Variants in RGS6 observed in about 807,000 individuals in gnomAD.
RGS6 encodes regulator of G protein signaling 6, also known as regulator of G-protein signaling 6.
In RGS6, 30 loss-of-function variants were observed where a neutral mutation model predicts 78.5. That is an observed-to-expected ratio of 0.38 (90% CI 0.29 to 0.52). The LOEUF (loss-of-function observed/expected upper bound fraction) is 0.52, where lower values mean the gene tolerates loss of function less well. Among genes scored for constraint, RGS6 ranks in the 20% least tolerant of loss-of-function variants. The pLI is 0.85. For synonymous variants in RGS6, 206 were observed against 206.0 expected, an observed-to-expected ratio of 1.00 and a Z score of 0.00; for missense variants, 495 against 609.7, an observed-to-expected ratio of 0.81 and a Z score of 1.98.
intron 2 of RGS6, among the ~76,000 whole-genome samples, chr14:72,045,679 A>G (rs1015025737): frequency 1.3e-5 from 2 of 151,736 alleles, no homozygotes; most frequent in Non-Finnish European, 2.9e-5. Flanking sequence ...GACCTTCACA[A>G]GTGTTTCTTA....
rs543376695 is a variant in RGS6 at position 72,025,750 on chromosome 14, G to T, written c.84+60875G>T. Among the ~76,000 whole-genome samples, 8 of 152,230 alleles carry T rather than the reference G, an allele frequency of 5.3e-5. No individual in the cohort carries two copies. The South Asian group carries it at 1.7e-3, about 32-fold the overall frequency. On this transcript the variant is annotated intron_variant, in intron 2 of 17. Transcript: ENST00000553525. ...CATTATTTCAGTAATCCTCAGAGGAGCCTTGAGTGGTAGATGCTATCATTC... is the reference window on the plus strand; with the variant it reads ...CATTATTTCAGTAATCCTCAGAGGATCCTTGAGTGGTAGATGCTATCATTC...
At chr14:72,503,879 T>G (rs1017082) in intron 13 of RGS6, among the ~76,000 whole-genome samples, 30,103 of 152,028 alleles carry the variant, frequency 0.2, 3,772 homozygotes, top group African/African-American at 0.36. Context: ...GGGTCCCTAT[T>G]GCTTTCCCAG....
chr14:71,955,434 A>G (rs2092707591), intron 1 of RGS6, among the ~76,000 whole-genome samples: 1 of 152,172 alleles, frequency 6.6e-6, no homozygotes, highest in African/African-American at 2.4e-5. Flanking sequence ...ACTGAAAGCA[A>G]GTTTATTAAG....
intron 3 of RGS6, among the ~76,000 whole-genome samples, chr14:72,411,710 A>G (rs2093425483): frequency 6.6e-6 from 1 of 152,188 alleles, no homozygotes. Context: ...GGTTTGTCAT[A>G]GATAGCTCTT....
chr14:72,542,550 G>A (rs2097340723), intron 17 of RGS6, among the ~76,000 whole-genome samples: 1 of 152,250 alleles, frequency 6.6e-6, no homozygotes, highest in African/African-American at 2.4e-5. Flanking sequence ...GGAAAGATGT[G>A]TAAGAACATG....
intron 2 of RGS6, among the ~76,000 whole-genome samples, chr14:72,150,977 T>A (rs2096676848): frequency 6.6e-6 from 1 of 152,162 alleles, no homozygotes; most frequent in Admixed American, 6.5e-5. Context: ...CTTAAGGAAA[T>A]CAGAGAGTAG....
chr14:72,281,705 C>T (rs937181802), intron 2 of RGS6, among the ~76,000 whole-genome samples: 16 of 152,092 alleles, frequency 1.1e-4, no homozygotes, highest in Non-Finnish European at 2.2e-4. Flanking sequence ...GAAGCCCTTT[C>T]TAGGAGAAGG....
intron 3 of RGS6, among the ~76,000 whole-genome samples, chr14:72,419,038 G>T (rs2094010227): frequency 6.6e-6 from 1 of 152,210 alleles, no homozygotes; most frequent in South Asian, 2.1e-4. Context: ...GGGCTGCCTT[G>T]GATGCGTTTC....
chr14:72,444,437 T>C (rs2095306370), intron 3 of RGS6, among the ~76,000 whole-genome samples: 1 of 152,222 alleles, frequency 6.6e-6, no homozygotes, highest in African/African-American at 2.4e-5. Context: ...TGATTGTCTC[T>C]CCTGCCCCAT....
chr14:72,118,881 T>G (rs1181922462), intron 2 of RGS6, among the ~76,000 whole-genome samples: 1 of 152,234 alleles, frequency 6.6e-6, no homozygotes, highest in African/African-American at 2.4e-5. Flanking sequence ...CTGAGAGAAC[T>G]ATGAATTATC....
intron 2 of RGS6, among the ~76,000 whole-genome samples, chr14:72,332,689 C>A (rs985409960): frequency 8.5e-5 from 13 of 152,222 alleles, no homozygotes; most frequent in African/African-American, 3.1e-4. Context: ...TCTTCCACCT[C>A]TCCTTGTCTC....
At chr14:72,352,601 T>A (rs188207516) in intron 3 of RGS6, among the ~76,000 whole-genome samples, 1 of 152,384 alleles carries the variant, frequency 6.6e-6, no homozygotes, top group East Asian at 1.9e-4. Flanking sequence ...CTTGACCTCC[T>A]GAAAGAGAGG....
intron 2 of RGS6, among the ~76,000 whole-genome samples, chr14:72,105,024 C>T (rs2095604989): frequency 6.6e-6 from 1 of 152,190 alleles, no homozygotes; most frequent in Non-Finnish European, 1.5e-5. Flanking sequence ...AGTCTAGTCA[C>T]TGCACTAAAA....
At chr14:71,919,387 C>A in the RGS6 span, among the ~76,000 whole-genome samples, 1 of 152,158 alleles carries the variant, frequency 6.6e-6, no homozygotes, top group African/African-American at 2.4e-5. Context: ...CCAGTGACGG[C>A]ATTTCTGACT....
At chr14:72,455,856 G>A (rs1336815310) in intron 4 of RGS6, among the ~76,000 whole-genome samples, 1 of 152,208 alleles carries the variant, frequency 6.6e-6, no homozygotes, top group African/African-American at 2.4e-5. Flanking sequence ...TGATTATAAT[G>A]CTAAACTAAG....
At chr14:72,620,045 G>A in the RGS6 span, 19 of 1,460,840 alleles carry the variant, frequency 1.3e-5, no homozygotes, top group South Asian at 1.4e-5. Context: ...GCCAATGTCT[G>A]GCCCCCGCTT....
chr14:72,618,581 T>C, the RGS6 span, among the ~76,000 whole-genome samples: 1 of 152,170 alleles, frequency 6.6e-6, no homozygotes, highest in Non-Finnish European at 1.5e-5. Context: ...AAGTACTGAC[T>C]GGCTATGGCG....
intron 3 of RGS6, among the ~76,000 whole-genome samples, chr14:72,378,253 A>G (rs773074602): frequency 6.6e-6 from 1 of 152,188 alleles, no homozygotes; most frequent in Non-Finnish European, 1.5e-5. Flanking sequence ...TAGGTTGAAA[A>G]ACTAAAAAGA....
rs560692700 is a variant in RGS6 at position 72,395,707 on chromosome 14, G to A, written c.184+43513G>A. On this transcript the variant is annotated intron_variant, in intron 3 of 17. Transcript: ENST00000553525. ...TTCCCCCCACCCCACAACAGGCCCC[G>A]GTGTGTGATGTTCCCCGTCCTGTGT... Among the ~76,000 whole-genome samples, 411 of 147,490 alleles carry A rather than the reference G, an allele frequency of 2.8e-3. 2 individuals carry two copies. The highest frequency in any genetic ancestry group is 9.4e-3 in the African/African-American group (380 of 40,218).
Sources: gnomAD v4.1 joint callset for allele counts (sites outside exome capture counted in the v4.1 genomes callset) on GRCh38, gnomAD v4.1.1 for gene constraint, MANE v1.5 for transcripts, NCBI Gene and HGNC (gene_info 2026-07-23, HGNC 2026-07-21) for gene names.